The following ATG4A variants were observed in gnomAD, a reference collection of about 807,000 sequenced individuals.
The protein encoded by ATG4A is cysteine protease ATG4A.
Under a neutral mutation model 38.4 loss-of-function variants are expected in ATG4A, and 22 were observed. The observed-to-expected ratio is 0.57, with a 90% CI of 0.41 to 0.82. The LOEUF is 0.82. Among genes scored for constraint, ATG4A ranks in the 40% least tolerant of loss-of-function variants. ATG4A has a pLI of 0.00. For synonymous variants in ATG4A, 86 were observed against 100.7 expected (o/e 0.85, Z 0.88); for missense variants, 220 against 290.0 (o/e 0.76, Z 1.75).
intron 9 of ATG4A, among the ~76,000 whole-genome samples, chrX:108,148,828 A>G (rs2033505268): frequency 8.9e-6 from 1 of 111,983 alleles, no homozygotes; most frequent in Non-Finnish European, 1.9e-5. Context: ...TCATAAAGCA[A>G]GTCATATGGG....
At chrX:108,128,017 A>T (rs1262525643) in intron 2 of ATG4A, among the ~76,000 whole-genome samples, 1 of 112,627 alleles carries the variant, frequency 8.9e-6, no homozygotes, top group Admixed American at 9.4e-5. Flanking sequence ...TACACACCTA[A>T]TTTGCTTAGT....
chrX:108,137,032 G>C, intron 6 of ATG4A, 59 bp from the exon 7 acceptor site: 7 of 1,025,096 alleles, frequency 6.8e-6, no homozygotes, highest in Non-Finnish European at 8.1e-6. Context: ...AAATTGTACT[G>C]TTTTCTGCTG....
intron 1 of ATG4A, among the ~76,000 whole-genome samples, chrX:108,118,314 C>T (rs144003279): frequency 0.026 from 2,895 of 111,526 alleles, 92 homozygotes; most frequent in African/African-American, 0.09. Context: ...TCCTTATCTC[C>T]TGTGCTTAGA....
chrX:108,113,257 G>T (rs2032413047), intron 1 of ATG4A, among the ~76,000 whole-genome samples: 1 of 111,811 alleles, frequency 8.9e-6, no homozygotes, highest in African/African-American at 3.3e-5. Context: ...CCAATTGGAG[G>T]TTTCTTGCTG....
chrX:108,104,067 G>A (rs887551986), intron 1 of ATG4A, among the ~76,000 whole-genome samples: 10 of 111,768 alleles, frequency 8.9e-5, no homozygotes, highest in Admixed American at 5.7e-4. Context: ...GGCTGGTCTC[G>A]AACTCCTGAC....
At chrX:108,125,945 C>G (rs759016018) in intron 1 of ATG4A, 132 bp from the exon 2 acceptor site, 6 of 422,844 alleles carry the variant, frequency 1.4e-5, no homozygotes, top group Non-Finnish European at 2.4e-5. Context: ...GTTTGTTCCT[C>G]AAGGAAAAGG....
At chrX:108,103,032 C>A (rs1285706114) in intron 1 of ATG4A, among the ~76,000 whole-genome samples, 1 of 110,335 alleles carries the variant, frequency 9.1e-6, no homozygotes, top group Non-Finnish European at 1.9e-5. Flanking sequence ...TGTTGTTCCC[C>A]CTACCCATGT....
chrX:108,110,201 C>CAAAAA (rs35962236), intron 1 of ATG4A, among the ~76,000 whole-genome samples: 1 of 51,581 alleles, frequency 1.9e-5, no homozygotes, highest in Non-Finnish European at 3.5e-5. Context: ...CCTGTCTCCA[C>CAAAAA]AAAAAAAAAA....
chrX:108,133,756 G>A (rs938372051), intron 4 of ATG4A, among the ~76,000 whole-genome samples: 1 of 112,134 alleles, frequency 8.9e-6, no homozygotes, highest in Admixed American at 9.5e-5. Flanking sequence ...TGGCCAGAAA[G>A]GCCTTTGTGA....
At chrX:108,109,775 A>G (rs182117367) in intron 1 of ATG4A, among the ~76,000 whole-genome samples, 1 of 112,017 alleles carries the variant, frequency 8.9e-6, no homozygotes, top group Non-Finnish European at 1.9e-5. Context: ...GTTGAAGATC[A>G]TTTGAATATG....
At chrX:108,091,557 G>A, upstream of ATG4A, 1 of 1,161,254 alleles carries the variant, frequency 8.6e-7, no homozygotes, top group Non-Finnish European at 1.2e-6. Flanking sequence ...CGCGAGCAAC[G>A]CCCGCCTCAC....
intron 5 of ATG4A, 60 bp downstream of exon 5, chrX:108,134,218 G>C (rs1602658408): frequency 1.8e-6 from 2 of 1,129,658 alleles, no homozygotes; most frequent in African/African-American, 1.8e-5. Flanking sequence ...CTCTTCCCTT[G>C]CCTTATATGT....
upstream of ATG4A, among the ~76,000 whole-genome samples, chrX:108,089,309 T>C (rs1465339685): frequency 9.0e-6 from 1 of 111,345 alleles, no homozygotes; most frequent in African/African-American, 3.3e-5. Context: ...GTCATATGGA[T>C]ACTAAATGGT....
chrX:108,129,567 T>G (rs2148000734), intron 3 of ATG4A, among the ~76,000 whole-genome samples: 1 of 109,760 alleles, frequency 9.1e-6, no homozygotes, highest in South Asian at 3.8e-4. Context: ...TTTCTTTTCT[T>G]TCTTTTTTTT....
intron 9 of ATG4A, among the ~76,000 whole-genome samples, chrX:108,141,046 A>ACGTG: frequency 2.7e-5 from 2 of 73,842 alleles, no homozygotes; most frequent in African/African-American, 1.0e-4. Context: ...ATACATATAT[A>ACGTG]TACATATATA....
rs900464936 is a variant in ATG4A, at chrX:108,134,263, A to G, written c.395-76A>G. The G allele has an allele frequency of 5.2e-6, 6 of 1,148,524 alleles. No individual in the cohort carries two copies. In the African/African-American group the frequency reaches 7.2e-5, roughly 14 times the overall value. 94.7% of individuals were successfully genotyped at this position (1,148,524 alleles called of 1,213,427 possible). A position where few individuals can be genotyped will look rare whatever the true frequency, so the allele number is the denominator to read the frequency against. On this transcript the variant is annotated intron_variant, in intron 5 of 12. Transcript: ENST00000372232. ...AAGTTGTCCATCTGCTTAATTATTT[A>G]TGCAAAAAATTAAGATTTTGTGGCT...
At chrX:108,091,486 T>C (rs2031617046), upstream of ATG4A, 1 of 1,211,213 alleles carries the variant, frequency 8.3e-7, no homozygotes, top group Non-Finnish European at 1.1e-6. Flanking sequence ...GTAGGCCAGG[T>C]TGCAGACCAT....
At chrX:108,106,812 A>AT (rs1022618304) in intron 1 of ATG4A, among the ~76,000 whole-genome samples, 39 of 111,173 alleles carry the variant, frequency 3.5e-4, no homozygotes, top group African/African-American at 1.3e-3. Context: ...TACTTTCAAG[A>AT]TTTTTTTCTT....
intron 1 of ATG4A, among the ~76,000 whole-genome samples, chrX:108,111,704 G>A (rs777767856): frequency 6.3e-5 from 7 of 111,908 alleles, no homozygotes; most frequent in East Asian, 2.8e-4. Context: ...AACACTCATC[G>A]TGTCTCACCA....
Sources: allele counts gnomAD v4.1 joint callset (sites outside exome capture counted in the v4.1 genomes callset), GRCh38; gene constraint gnomAD v4.1.1; transcripts MANE v1.5; gene names NCBI Gene and HGNC (gene_info 2026-07-23, HGNC 2026-07-21).